Variants in TJP1 observed in about 807,000 individuals in gnomAD.
TJP1 encodes tight junction protein ZO-1.
A neutral mutation model predicts 194.2 loss-of-function variants in TJP1; 43 were observed. The ratio of observed to expected loss-of-function variants is 0.22; its 90% CI spans 0.17 to 0.29. The LOEUF (loss-of-function observed/expected upper bound fraction) is 0.29. Ranked by LOEUF, TJP1 falls within the 10% of genes least tolerant of loss-of-function variation. The probability of loss-of-function intolerance (pLI) is 1.00; values close to 1 mark genes in which losing one functional copy is unlikely to be tolerated. For missense variants in TJP1, 1,971 were observed against 2,185.7 expected, an observed-to-expected ratio of 0.90 and a Z score of 1.96; for synonymous variants, 801 against 779.0, an observed-to-expected ratio of 1.03 and a Z score of -0.47.
intron 5 of TJP1, among the ~76,000 whole-genome samples, chr15:29,765,787 G>A (rs932215674): frequency 5.3e-5 from 8 of 152,160 alleles, no homozygotes; most frequent in African/African-American, 1.9e-4. Flanking sequence ...AGCTACCAGG[G>A]AGGCTGAAGT....
At chr15:29,810,075 A>G (rs890219816) in intron 1 of TJP1, among the ~76,000 whole-genome samples, 1 of 152,204 alleles carries the variant, frequency 6.6e-6, no homozygotes, top group African/African-American at 2.4e-5. Context: ...GAAATGCTCC[A>G]AAGAGAATTT....
chr15:29,777,650 G>A (rs2047100325), intron 2 of TJP1, among the ~76,000 whole-genome samples: 1 of 152,014 alleles, frequency 6.6e-6, no homozygotes, highest in Non-Finnish European at 1.5e-5. Flanking sequence ...CTACTGATGG[G>A]CACACAAATT....
At chr15:29,807,492 G>A (rs1159425519) in intron 1 of TJP1, among the ~76,000 whole-genome samples, 1 of 152,170 alleles carries the variant, frequency 6.6e-6, no homozygotes, top group Non-Finnish European at 1.5e-5. Context: ...TATTCAGGTA[G>A]ACAGGAGGAG....
At chr15:29,845,678 G>A (rs901738091) in intron 2 of TJP1, among the ~76,000 whole-genome samples, 2 of 152,012 alleles carry the variant, frequency 1.3e-5, no homozygotes, top group Middle Eastern at 3.2e-3. Flanking sequence ...GGTGGCAGGC[G>A]CCTGTAGCCC....
intron 1 of TJP1, among the ~76,000 whole-genome samples, chr15:29,965,186 C>CATTCATTTATTT (rs1555462516): frequency 6.7e-6 from 1 of 148,290 alleles, no homozygotes; most frequent in African/African-American, 2.5e-5. Context: ...TACATCCTCA[C>CATTCATTTATTT]ATTTATTTAT....
Position 29,733,138 on chromosome 15 carries a change from T to A in TJP1, c.1692A>T (p.Lys564Asn), listed in dbSNP as rs1444500105. ...TGCCTCGTTCTACCTCCTTATGATT[T>A]TTACCAATTCGAATAGCAAGCCAAG... Reference protein sequence around the residue: ...LGSWLAIRIGKNHKEVERGII... With the variant: ...LGSWLAIRIGNNHKEVERGII... The change falls in exon 13 of 28, where the codon AAA (lysine) becomes AAT (asparagine). Residue 564 changes from lysine (K) to asparagine (N), a missense_variant. By Grantham distance (94) the Lys-to-Asn change is moderately conservative. Transcript: ENST00000614355. The A allele has an allele frequency of 6.8e-6, 11 of 1,614,106 alleles. No individual in the cohort carries two copies. The highest frequency in any genetic ancestry group is 9.3e-6 in the Non-Finnish European group (11 of 1,180,020).
At chr15:29,716,461 T>C in intron 23 of TJP1, 150 bp downstream of exon 23, 1 of 610,938 alleles carries the variant, frequency 1.6e-6, no homozygotes, top group Middle Eastern at 4.2e-4. Flanking sequence ...AAAACACACA[T>C]CCCAGAACTA....
chr15:29,868,697 A>G (rs776938621), intron 2 of TJP1, among the ~76,000 whole-genome samples: 1 of 152,198 alleles, frequency 6.6e-6, no homozygotes, highest in Non-Finnish European at 1.5e-5. Context: ...CCTCTAAACA[A>G]AATAGCCCAA....
chr15:29,955,962 G>A (rs1277898532), intron 2 of TJP1, among the ~76,000 whole-genome samples: 1 of 151,698 alleles, frequency 6.6e-6, no homozygotes, highest in Non-Finnish European at 1.5e-5. Flanking sequence ...ATACTCTATC[G>A]AACTTAAATC....
chr15:29,877,357 C>T (rs2052740151), intron 2 of TJP1, among the ~76,000 whole-genome samples: 1 of 152,210 alleles, frequency 6.6e-6, no homozygotes, highest in Non-Finnish European at 1.5e-5. Flanking sequence ...GCTGCGACTG[C>T]AGATGTGCAC....
intron 2 of TJP1, among the ~76,000 whole-genome samples, chr15:29,862,816 T>A (rs1463893112): frequency 6.6e-6 from 1 of 151,206 alleles, no homozygotes; most frequent in Non-Finnish European, 1.5e-5. Flanking sequence ...CCTGGCTAAT[T>A]TTTTTGTATT....
intron 1 of TJP1, 92 bp downstream of exon 1, chr15:29,821,910 C>T (rs2050397095): frequency 9.0e-7 from 1 of 1,117,010 alleles, no homozygotes; most frequent in African/African-American, 1.7e-5. Flanking sequence ...CAGACAGCCG[C>T]CAGCGAGGGA....
chr15:29,949,637 A>T (rs2055536794), intron 2 of TJP1, among the ~76,000 whole-genome samples: 1 of 108,164 alleles, frequency 9.2e-6, no homozygotes, highest in Non-Finnish European at 1.9e-5. Context: ...CACCTCCACC[A>T]CCTCCACCAC....
chr15:29,849,437 AT>A (rs1194690344), intron 2 of TJP1, among the ~76,000 whole-genome samples: 35 of 136,842 alleles, frequency 2.6e-4, no homozygotes, highest in Non-Finnish European at 4.0e-4. Flanking sequence ...AACAAATTTT[AT>A]TTAAAAAAAA....
chr15:29,906,759 T>A (rs978034650), intron 2 of TJP1, among the ~76,000 whole-genome samples: 16 of 151,638 alleles, frequency 1.1e-4, no homozygotes, highest in African/African-American at 3.4e-4. Flanking sequence ...TTTGTATTTT[T>A]AGTAGCGATG....
At chr15:29,809,662 C>A (rs1485574430) in intron 1 of TJP1, among the ~76,000 whole-genome samples, 1 of 151,984 alleles carries the variant, frequency 6.6e-6, no homozygotes, top group Non-Finnish European at 1.5e-5. Context: ...CTGGCCAACA[C>A]GGTGAAACCC....
At chr15:29,798,308 T>C (rs1194072784) in intron 2 of TJP1, among the ~76,000 whole-genome samples, 2 of 149,126 alleles carry the variant, frequency 1.3e-5, no homozygotes, top group Non-Finnish European at 3.0e-5. Flanking sequence ...AATCTGACAA[T>C]ACGGATTGAG....
chr15:29,965,789 T>A (rs4779688), intron 1 of TJP1, among the ~76,000 whole-genome samples: 1 of 152,016 alleles, frequency 6.6e-6, no homozygotes, highest in Admixed American at 6.5e-5. Context: ...GTATTCTACA[T>A]CTCTGTTTAA....
intron 1 of TJP1, among the ~76,000 whole-genome samples, chr15:29,960,871 G>C (rs968799065): frequency 2.0e-5 from 3 of 152,094 alleles, no homozygotes; most frequent in Non-Finnish European, 4.4e-5. Flanking sequence ...TTTGTTTGGT[G>C]TGGAATAAAG....
Sources: gnomAD v4.1 joint callset for allele counts (sites outside exome capture counted in the v4.1 genomes callset) on GRCh38, gnomAD v4.1.1 for gene constraint, MANE v1.5 for transcripts, NCBI Gene and HGNC (gene_info 2026-07-23, HGNC 2026-07-21) for gene names.